Variants in PDE1C observed in about 807,000 individuals in gnomAD.
The protein encoded by PDE1C is phosphodiesterase 1C, also known as dual specificity calcium/calmodulin-dependent 3',5'-cyclic nucleotide phosphodiesterase 1C.
Under a neutral mutation model 93.1 loss-of-function variants are expected in PDE1C, and 62 were observed. That is an observed-to-expected ratio of 0.67 (90% CI 0.54 to 0.82). PDE1C has a LOEUF of 0.82. Among genes scored for constraint, PDE1C ranks in the 40% least tolerant of loss-of-function variants. The pLI is 0.00. For synonymous variants in PDE1C, 325 were observed against 310.1 expected, an observed-to-expected ratio of 1.05 and a Z score of -0.50; for missense variants, 742 against 884.6, an observed-to-expected ratio of 0.84 and a Z score of 2.04.
chr7:32,302,258 A>G (rs77097165), upstream of PDE1C, among the ~76,000 whole-genome samples: 1,058 of 152,344 alleles, frequency 6.9e-3, 7 homozygotes, highest in Middle Eastern at 0.017. Context: ...AAAGAAATTT[A>G]TCTTTTTTAA....
At chr7:32,406,113 C>A (rs1785045937) in intron 1 of PDE1C, among the ~76,000 whole-genome samples, 1 of 152,140 alleles carries the variant, frequency 6.6e-6, no homozygotes, top group African/African-American at 2.4e-5. Flanking sequence ...AAGGTACGTG[C>A]CTTACCCCAC....
intron 1 of PDE1C, among the ~76,000 whole-genome samples, chr7:32,272,254 C>A (rs1811020855): frequency 1.3e-5 from 2 of 152,210 alleles, no homozygotes; most frequent in Admixed American, 6.5e-5. Context: ...GCCCTTGCAA[C>A]CCAGCTTGAC....
intron 2 of PDE1C, among the ~76,000 whole-genome samples, chr7:31,994,752 A>T (rs1784525862): frequency 6.6e-6 from 1 of 152,266 alleles, no homozygotes; most frequent in Non-Finnish European, 1.5e-5. Context: ...AAGTGAATCC[A>T]GCCCAAGTTT....
chr7:32,120,292 C>G (rs1409116141), intron 3 of PDE1C, among the ~76,000 whole-genome samples: 3 of 152,250 alleles, frequency 2.0e-5, no homozygotes, highest in African/African-American at 7.2e-5. Context: ...TGCAGACCGT[C>G]ATACTTAGCC....
At chr7:31,639,375 A>G in the PDE1C span, among the ~76,000 whole-genome samples, 3 of 149,712 alleles carry the variant, frequency 2.0e-5, no homozygotes, top group Non-Finnish European at 3.0e-5. Flanking sequence ...CTAATCTGCT[A>G]TATATATCCA....
At chr7:32,326,890 A>G (rs1316091036) in intron 1 of PDE1C, among the ~76,000 whole-genome samples, 1 of 152,184 alleles carries the variant, frequency 6.6e-6, no homozygotes, top group Non-Finnish European at 1.5e-5. Context: ...GCAGAAAAGG[A>G]AAGGGAGAAT....
chr7:32,037,496 T>C (rs1369649670), intron 2 of PDE1C, among the ~76,000 whole-genome samples: 2 of 152,180 alleles, frequency 1.3e-5, no homozygotes, highest in South Asian at 2.1e-4. Flanking sequence ...TATCTGCTCA[T>C]AGTATTCCTT....
chr7:32,105,115 C>A (rs768226615), intron 3 of PDE1C, among the ~76,000 whole-genome samples: 4 of 152,060 alleles, frequency 2.6e-5, no homozygotes, highest in Non-Finnish European at 5.9e-5. Flanking sequence ...CATTGACCAA[C>A]GGGATAGTGG....
chr7:32,090,017 AG>A (rs1797378787), intron 3 of PDE1C, among the ~76,000 whole-genome samples: 1 of 152,128 alleles, frequency 6.6e-6, no homozygotes, highest in Non-Finnish European at 1.5e-5. Flanking sequence ...CCTTTTATCT[AG>A]TTTTTATTTC....
chr7:31,994,742 A>T (rs573169205), intron 2 of PDE1C, among the ~76,000 whole-genome samples: 1 of 152,218 alleles, frequency 6.6e-6, no homozygotes, highest in Non-Finnish European at 1.5e-5. Flanking sequence ...TCTGCAAAAG[A>T]AGTGAATCCA....
chr7:31,696,107 G>A, the PDE1C span: 2 of 152,492 alleles, frequency 1.3e-5, no homozygotes, highest in Non-Finnish European at 2.9e-5. Flanking sequence ...CCAGCTCAAT[G>A]CCCAAGAGAA....
the PDE1C span, among the ~76,000 whole-genome samples, chr7:31,708,771 C>A: frequency 6.6e-6 from 1 of 152,138 alleles, no homozygotes; most frequent in Non-Finnish European, 1.5e-5. Context: ...CAAGCATTCC[C>A]GTTTGCCATA....
At chr7:31,957,443 G>A (rs1808300300) in intron 2 of PDE1C, among the ~76,000 whole-genome samples, 1 of 152,104 alleles carries the variant, frequency 6.6e-6, no homozygotes, top group Admixed American at 6.6e-5. Flanking sequence ...ATCACCTGTA[G>A]AGGATGGAAC....
chr7:32,242,656 G>A (rs1042325395), intron 1 of PDE1C, among the ~76,000 whole-genome samples: 4 of 152,152 alleles, frequency 2.6e-5, no homozygotes, highest in Non-Finnish European at 4.4e-5. Flanking sequence ...AGAGACTGGT[G>A]GCAGGAGCTT....
At chr7:31,875,793 C>CTATCTA (rs1554387704) in intron 5 of PDE1C, among the ~76,000 whole-genome samples, 1 of 43,082 alleles carries the variant, frequency 2.3e-5, no homozygotes, top group Non-Finnish European at 5.9e-5. Context: ...AAGCTTACAT[C>CTATCTA]TATATATATA....
chr7:32,393,241 T>C (rs1295209367), intron 1 of PDE1C, among the ~76,000 whole-genome samples: 1 of 152,062 alleles, frequency 6.6e-6, no homozygotes, highest in East Asian at 1.9e-4. Flanking sequence ...AATGTTGTCA[T>C]GGAATTTCTA....
At chr7:32,065,054 G>C (rs30592) in intron 1 of PDE1C, among the ~76,000 whole-genome samples, 19 of 25,580 alleles carry the variant, frequency 7.4e-4, no homozygotes, top group Admixed American at 1.8e-3. Flanking sequence ...ACGGCGGTGG[G>C]GGGGGGGGGG....
chr7:32,397,202 A>T (rs930657782), intron 1 of PDE1C, among the ~76,000 whole-genome samples: 1 of 152,230 alleles, frequency 6.6e-6, no homozygotes, highest in African/African-American at 2.4e-5. Flanking sequence ...TGTTCATAAC[A>T]TATAACAGAT....
chr7:31,921,822 C>T (rs2128960008), intron 2 of PDE1C, among the ~76,000 whole-genome samples: 1 of 152,188 alleles, frequency 6.6e-6, no homozygotes, highest in South Asian at 2.1e-4. Context: ...TTTAGCATGG[C>T]CATGTTATCA....
Sources: allele counts gnomAD v4.1 joint callset (sites outside exome capture counted in the v4.1 genomes callset), GRCh38; gene constraint gnomAD v4.1.1; transcripts MANE v1.5; gene names NCBI Gene and HGNC (gene_info 2026-07-23, HGNC 2026-07-21).